The following MRPL1 variants were observed in gnomAD, a reference collection of about 807,000 sequenced individuals.
MRPL1 encodes the protein mitochondrial ribosomal protein L1.
A neutral mutation model predicts 38.0 loss-of-function variants in MRPL1; 28 were observed. That is an observed-to-expected ratio of 0.74 (90% CI 0.55 to 1.01). The LOEUF is 1.01. Among genes scored for constraint, MRPL1 ranks in the 50% least tolerant of loss-of-function variants. The pLI is 0.00. For synonymous variants in MRPL1, 123 were observed against 126.7 expected, an observed-to-expected ratio of 0.97 and a Z score of 0.20; for missense variants, 358 against 389.8, an observed-to-expected ratio of 0.92 and a Z score of 0.69.
intron 7 of MRPL1, among the ~76,000 whole-genome samples, chr4:77,928,790 C>CT (rs1736778945): frequency 6.6e-6 from 1 of 151,980 alleles, no homozygotes; most frequent in East Asian, 1.9e-4. Context: ...TGATCAAAAA[C>CT]TATTTTTGAT....
At chr4:77,924,014 AT>A (rs1736650455) in intron 7 of MRPL1, among the ~76,000 whole-genome samples, 1 of 147,086 alleles carries the variant, frequency 6.8e-6, no homozygotes, top group South Asian at 2.2e-4. Context: ...AAAAAAAAAA[AT>A]AGTTTAATGA....
intron 1 of MRPL1, among the ~76,000 whole-genome samples, chr4:77,870,572 G>A (rs1381179636): frequency 6.6e-6 from 1 of 152,050 alleles, no homozygotes; most frequent in African/African-American, 2.4e-5. Context: ...AATACCTTTA[G>A]GTGAAAAAGC....
chr4:77,946,710 C>A (rs1560477519), intron 7 of MRPL1, among the ~76,000 whole-genome samples: 1 of 152,208 alleles, frequency 6.6e-6, no homozygotes, highest in African/African-American at 2.4e-5. Flanking sequence ...TGACTTCCCA[C>A]AACAATCCTT....
intron 2 of MRPL1, among the ~76,000 whole-genome samples, chr4:77,874,605 T>C (rs544170999): frequency 6.6e-6 from 1 of 152,298 alleles, no homozygotes; most frequent in South Asian, 2.1e-4. Flanking sequence ...ATCTTGCCAG[T>C]ATTTTTACCA....
chr4:77,907,227 T>C (rs1736177036), intron 6 of MRPL1: 4 of 930,560 alleles, frequency 4.3e-6, no homozygotes, highest in Non-Finnish European at 5.1e-6. Flanking sequence ...TATGGTATAG[T>C]GGAATATACC....
intron 7 of MRPL1, among the ~76,000 whole-genome samples, chr4:77,943,282 C>T (rs879834156): frequency 4.6e-5 from 7 of 151,982 alleles, no homozygotes; most frequent in Non-Finnish European, 7.4e-5. Flanking sequence ...TTTAGGTTAC[C>T]TGGTGCTTTT....
chr4:77,881,685 C>T (rs1040511474), intron 2 of MRPL1, among the ~76,000 whole-genome samples: 1 of 152,148 alleles, frequency 6.6e-6, no homozygotes, highest in Admixed American at 6.5e-5. Context: ...AAACAGTCCT[C>T]CTGCCTTGGC....
chr4:77,891,575 C>T (rs549639599), intron 5 of MRPL1, among the ~76,000 whole-genome samples: 12 of 152,072 alleles, frequency 7.9e-5, no homozygotes, highest in African/African-American at 2.4e-4. Context: ...AGACTGGTCT[C>T]GAACTCCTGG....
At chr4:77,870,988 G>A (rs898011527) in intron 1 of MRPL1, among the ~76,000 whole-genome samples, 2 of 151,972 alleles carry the variant, frequency 1.3e-5, no homozygotes, top group African/African-American at 4.8e-5. Flanking sequence ...CTTATTTATT[G>A]TAAAAATGAA....
chr4:77,863,000 A>C (rs1735038117), intron 1 of MRPL1, 121 bp downstream of exon 1: 1 of 1,262,326 alleles, frequency 7.9e-7, no homozygotes, highest in Non-Finnish European at 1.1e-6. Flanking sequence ...TCTGGTCTCT[A>C]GGTTTTTCAG....
chr4:77,900,906 G>A (rs1013394372), intron 6 of MRPL1, among the ~76,000 whole-genome samples: 2 of 152,092 alleles, frequency 1.3e-5, no homozygotes, highest in African/African-American at 4.8e-5. Context: ...GAAGGAAAGA[G>A]TCTGGTAGTG....
rs1294619892 is a variant in MRPL1, at chr4:77,883,331, T to G, written c.233T>G (p.Met78Arg). The G allele has an allele frequency of 6.2e-7, 1 of 1,613,700 alleles. No individual in the cohort carries two copies. Among genetic ancestry groups the G allele is most frequent in the Non-Finnish European group, 8.5e-7 (1 of 1,179,794 alleles). Reference sequence around the variant, plus strand: ...GAAAAAATAAAAGCATATCCCTATATGGAAGGCGAACCTGAGGATGATGTC... The same window carrying G: ...GAAAAAATAAAAGCATATCCCTATAGGGAAGGCGAACCTGAGGATGATGTC... ...EIEKIKAYPY[M>R]EGEPEDDVYL... Residue 78 changes from methionine (M) to arginine (R), a missense_variant, in exon 3 of 9, where the codon ATG (methionine) becomes AGG (arginine). By Grantham distance (91) the Met-to-Arg change is moderately conservative. Transcript: ENST00000315567.
intron 2 of MRPL1, among the ~76,000 whole-genome samples, chr4:77,872,066 A>C (rs1190009303): frequency 6.6e-6 from 1 of 152,212 alleles, no homozygotes; most frequent in African/African-American, 2.4e-5. Context: ...CTTATTCCCA[A>C]CAGCAACCTT....
At chr4:77,883,194 A>C in intron 2 of MRPL1, 48 bp from the exon 3 acceptor site, 2 of 1,207,278 alleles carry the variant, frequency 1.7e-6, no homozygotes, top group Non-Finnish European at 2.2e-6. Context: ...TTTAAAAAAA[A>C]TCTCTTAGGA....
At chr4:77,885,168 C>T (rs1387521016) in intron 3 of MRPL1, 88 bp from the exon 4 acceptor site, 7 of 1,000,760 alleles carry the variant, frequency 7.0e-6, no homozygotes, top group Non-Finnish European at 9.4e-6. Flanking sequence ...ACACTGAAAA[C>T]AAAACATGTC....
At chr4:77,876,005 C>G (rs1305323506) in intron 2 of MRPL1, among the ~76,000 whole-genome samples, 1 of 152,100 alleles carries the variant, frequency 6.6e-6, no homozygotes, top group Non-Finnish European at 1.5e-5. Context: ...TGGAGTCTTG[C>G]TCTGTTGACC....
intron 7 of MRPL1, among the ~76,000 whole-genome samples, chr4:77,930,820 C>T (rs1308060903): frequency 6.6e-6 from 1 of 152,162 alleles, no homozygotes; most frequent in African/African-American, 2.4e-5. Flanking sequence ...CTTCCCTCTG[C>T]ACCTCTTTCC....
chr4:77,919,407 T>G (rs1736510834), intron 7 of MRPL1, among the ~76,000 whole-genome samples: 2 of 152,208 alleles, frequency 1.3e-5, no homozygotes, highest in Admixed American at 6.5e-5. Context: ...TCTATAAATG[T>G]TGACTATCCC....
chr4:77,890,064 G>A (rs1243978528), intron 5 of MRPL1, among the ~76,000 whole-genome samples: 1 of 152,104 alleles, frequency 6.6e-6, no homozygotes, highest in African/African-American at 2.4e-5. Context: ...AAGAGGAGCT[G>A]GTACCATTCC....
Sources: allele counts gnomAD v4.1 joint callset (sites outside exome capture counted in the v4.1 genomes callset), GRCh38; gene constraint gnomAD v4.1.1; transcripts MANE v1.5; gene names NCBI Gene and HGNC (gene_info 2026-07-23, HGNC 2026-07-21).